Variants in ADGRL2 observed in about 807,000 individuals in gnomAD.
The protein encoded by ADGRL2 is adhesion G protein-coupled receptor L2, also known as calcium-independent alpha-latrotoxin receptor 2.
In ADGRL2, 44 loss-of-function variants were observed where a neutral mutation model predicts 157.4. The ratio of observed to expected loss-of-function variants is 0.28; its 90% CI spans 0.22 to 0.36. The LOEUF (loss-of-function observed/expected upper bound fraction) is 0.36, where lower values mean the gene tolerates loss of function less well. ADGRL2 is among the 10% of genes least tolerant of loss of function. The probability of loss-of-function intolerance (pLI) is 1.00; values close to 1 mark genes in which losing one functional copy is unlikely to be tolerated. For missense variants in ADGRL2, 1,510 were observed against 1,768.9 expected, an observed-to-expected ratio of 0.85 and a Z score of 2.63; for synonymous variants, 585 against 624.7, an observed-to-expected ratio of 0.94 and a Z score of 0.95.
intron 2 of ADGRL2, among the ~76,000 whole-genome samples, chr1:81,865,004 A>C (rs1002715876): frequency 2.0e-5 from 3 of 151,986 alleles, no homozygotes; most frequent in Non-Finnish European, 4.4e-5. Context: ...AACCACCCCC[A>C]AAAAACAAAA....
intron 2 of ADGRL2, among the ~76,000 whole-genome samples, chr1:81,492,094 G>C (rs1038276355): frequency 1.3e-5 from 2 of 152,144 alleles, no homozygotes; most frequent in African/African-American, 4.8e-5. Flanking sequence ...TTAAAAAGGA[G>C]TATGTGCAAT....
chr1:81,648,386 T>A (rs2148827891), intron 3 of ADGRL2, among the ~76,000 whole-genome samples: 1 of 152,332 alleles, frequency 6.6e-6, no homozygotes, highest in Non-Finnish European at 1.5e-5. Context: ...TGCTCCGGTG[T>A]GCTGCCTTCT....
chr1:81,921,303 A>C (rs749565207), intron 3 of ADGRL2, among the ~76,000 whole-genome samples: 1 of 152,206 alleles, frequency 6.6e-6, no homozygotes, highest in Non-Finnish European at 1.5e-5. Flanking sequence ...AAAAAATTCT[A>C]AGACTTACTA....
chr1:81,659,961 A>G lies in ADGRL2; in HGVS notation c.-143+78981A>G, dbSNP rs114855622. ...GCAAAGAAAACCATTATTTCAATAC[A>G]CAAATATTTTCAGAATCTATCGCCC... On this transcript the variant is annotated intron_variant, in intron 3 of 24. Transcript: ENST00000370721. Among the ~76,000 whole-genome samples, 802 of 152,322 alleles carry G rather than the reference A, an allele frequency of 5.3e-3. 3 individuals carry two copies. Among genetic ancestry groups the G allele is most frequent in the Admixed American group, 9.5e-3 (146 of 15,304 alleles).
intron 3 of ADGRL2, among the ~76,000 whole-genome samples, chr1:81,648,126 G>A (rs1204043375): frequency 6.6e-6 from 1 of 152,186 alleles, no homozygotes; most frequent in Non-Finnish European, 1.5e-5. Context: ...CTGAAAGAGA[G>A]AGATTTTATA....
intron 5 of ADGRL2, 109 bp from the exon 6 acceptor site, chr1:81,942,860 G>A (rs1338508565): frequency 1.2e-6 from 1 of 819,644 alleles, no homozygotes; most frequent in Admixed American, 2.0e-5. Flanking sequence ...TGGTAAAATT[G>A]AATGCTAATA....
At chr1:81,565,653 C>T (rs775149337) in intron 2 of ADGRL2, among the ~76,000 whole-genome samples, 3 of 152,120 alleles carry the variant, frequency 2.0e-5, no homozygotes, top group Non-Finnish European at 4.4e-5. Context: ...TAAAATGTTC[C>T]TGTTGTGTGT....
At chr1:81,753,250 A>G (rs757772552) in intron 1 of ADGRL2, among the ~76,000 whole-genome samples, 61 of 152,224 alleles carry the variant, frequency 4.0e-4, no homozygotes, top group Non-Finnish European at 5.3e-4. Flanking sequence ...AGAAGGCAAG[A>G]AGGAGCAAGT....
intron 1 of ADGRL2, among the ~76,000 whole-genome samples, chr1:81,706,636 A>C (rs2083747445): frequency 6.6e-6 from 1 of 152,178 alleles, no homozygotes; most frequent in Non-Finnish European, 1.5e-5. Flanking sequence ...AGGGCTAAGG[A>C]ACAAACTTTT....
intron 2 of ADGRL2, among the ~76,000 whole-genome samples, chr1:81,841,258 T>A (rs2092566418): frequency 6.6e-6 from 1 of 152,196 alleles, no homozygotes; most frequent in Non-Finnish European, 1.5e-5. Flanking sequence ...AACAGCTTTA[T>A]GTATTTATTT....
chr1:81,427,911 TTTTCA>T (rs764623145), intron 1 of ADGRL2, among the ~76,000 whole-genome samples: 1 of 152,198 alleles, frequency 6.6e-6, no homozygotes, highest in South Asian at 2.1e-4. Flanking sequence ...CTTCTTTTTC[TTTTCA>T]TTTCATCAGG....
intron 1 of ADGRL2, among the ~76,000 whole-genome samples, chr1:81,737,896 C>T (rs969028553): frequency 2.6e-5 from 4 of 152,134 alleles, no homozygotes; most frequent in Non-Finnish European, 5.9e-5. Context: ...TTCTACAAGA[C>T]AGCCAAGATA....
chr1:81,702,707 A>G (rs2083612219), intron 1 of ADGRL2, among the ~76,000 whole-genome samples: 1 of 152,234 alleles, frequency 6.6e-6, no homozygotes, highest in Non-Finnish European at 1.5e-5. Context: ...TCTTGCTGGG[A>G]CCAAAATATT....
chr1:81,900,822 G>T (rs2094471590), intron 2 of ADGRL2, among the ~76,000 whole-genome samples: 1 of 151,810 alleles, frequency 6.6e-6, no homozygotes, highest in Admixed American at 6.6e-5. Flanking sequence ...TTAATAATGG[G>T]CCTATGGTTT....
At chr1:81,678,102 A>G (rs1363409457) in intron 3 of ADGRL2, among the ~76,000 whole-genome samples, 6 of 152,184 alleles carry the variant, frequency 3.9e-5, no homozygotes, top group African/African-American at 1.4e-4. Context: ...AGCACATAGG[A>G]AGAATTTATC....
At position 81,567,165 on chromosome 1, in the gene ADGRL2, T is replaced by C. The variant is rs532212920; in HGVS notation, c.-247-13711T>C. The stretch of plus-strand genomic sequence containing the variant: ...AAGATAATTGCTGTGGAATCAGCTG[T>C]TCTTTTTGAAGATCTAGTCATAAAT... On this transcript the variant is annotated intron_variant, in intron 2 of 24. Coordinates refer to the ADGRL2 transcript ENST00000370721. Among the ~76,000 whole-genome samples, 4 of 152,272 alleles carry C rather than the reference T, an allele frequency of 2.6e-5. No individual in the cohort carries two copies. The East Asian group carries it at 7.7e-4, about 29-fold the overall frequency.
chr1:81,700,455 CTT>C (rs2083541223), intron 1 of ADGRL2, among the ~76,000 whole-genome samples: 1 of 152,164 alleles, frequency 6.6e-6, no homozygotes, highest in Non-Finnish European at 1.5e-5. Flanking sequence ...ATTATAAGAT[CTT>C]TGTCTCTTAA....
chr1:81,326,828 A>T (rs1179299384), intron 1 of ADGRL2, among the ~76,000 whole-genome samples: 2 of 152,228 alleles, frequency 1.3e-5, no homozygotes. Context: ...CTGAACCGTC[A>T]GAAATAATCA....
chr1:81,929,459 A>C (rs1183668537), intron 3 of ADGRL2, among the ~76,000 whole-genome samples: 2 of 152,188 alleles, frequency 1.3e-5, no homozygotes, highest in Non-Finnish European at 2.9e-5. Context: ...GGAGAAACTA[A>C]TGTTATCTTG....
Sources: gnomAD v4.1 joint callset for allele counts (sites outside exome capture counted in the v4.1 genomes callset) on GRCh38, gnomAD v4.1.1 for gene constraint, MANE v1.5 for transcripts, NCBI Gene and HGNC (gene_info 2026-07-23, HGNC 2026-07-21) for gene names.